Variants in RPH3AL observed in about 807,000 individuals in gnomAD.
RPH3AL encodes the protein rabphilin 3A like (without C2 domains), also known as rab effector Noc2.
A neutral mutation model predicts 43.1 loss-of-function variants in RPH3AL; 38 were observed. That is an observed-to-expected ratio of 0.88 (90% confidence interval 0.68 to 1.15). The LOEUF is 1.15. RPH3AL is among the 50% of genes most tolerant of loss of function. The probability of loss-of-function intolerance (pLI) is 0.00; values close to 1 mark genes in which losing one functional copy is unlikely to be tolerated. For synonymous variants in RPH3AL, 189 were observed against 176.3 expected (o/e 1.07, Z -0.57); for missense variants, 462 against 423.2 (o/e 1.09, Z -0.81).
intron 6 of RPH3AL, among the ~76,000 whole-genome samples, chr17:262,628 C>T (rs541025701): frequency 2.2e-4 from 34 of 152,174 alleles, no homozygotes; most frequent in Non-Finnish European, 3.8e-4. Context: ...AATTCAAGGC[C>T]AGCCTGGCCA....
At chr17:267,464 T>G (rs1233363891) in intron 6 of RPH3AL, among the ~76,000 whole-genome samples, 2 of 152,148 alleles carry the variant, frequency 1.3e-5, no homozygotes, top group Non-Finnish European at 2.9e-5. Context: ...CAGACGAGCG[T>G]CATGATTTTG....
At chr17:250,021 C>T (rs189661761) in intron 6 of RPH3AL, among the ~76,000 whole-genome samples, 11 of 141,396 alleles carry the variant, frequency 7.8e-5, no homozygotes, top group South Asian at 4.5e-4. Context: ...CGGGACCTCT[C>T]GGAGCCTTTA....
At chr17:229,065 T>TA (rs2041167908) in intron 7 of RPH3AL, among the ~76,000 whole-genome samples, 1 of 152,208 alleles carries the variant, frequency 6.6e-6, no homozygotes, top group Non-Finnish European at 1.5e-5. Flanking sequence ...TACATATTTT[T>TA]AAAAAATTAG....
Position 219,664 on chromosome 17 carries a change from C to A in RPH3AL, c.686G>T (p.Gly229Val). The A allele has an allele frequency of 6.2e-7, 1 of 1,613,678 alleles. No homozygotes were observed. The part of the protein sequence containing the change: ...SSLEDRLPST[G>V]VRDRKGDKPW... ...TTTGTCGCCTTTCCGGTCCCTGACC[C>A]CAGTGGATGGGAGTCTGTCCTCTAG... is the stretch of plus-strand genomic sequence containing the variant. Residue 229 changes from glycine to valine, a missense_variant, in exon 8 of 10, where the codon GGG becomes GTG. Transcript: ENST00000331302.
intron 7 of RPH3AL, among the ~76,000 whole-genome samples, chr17:237,972 C>A (rs2041439558): frequency 7.2e-6 from 1 of 138,940 alleles, no homozygotes; most frequent in East Asian, 2.1e-4. Context: ...AACGTGGAAT[C>A]ACCCCGTCTC....
At chr17:326,271 G>A (rs1410746508) in intron 3 of RPH3AL, among the ~76,000 whole-genome samples, 1 of 152,238 alleles carries the variant, frequency 6.6e-6, no homozygotes. Flanking sequence ...CGCTCTCCTG[G>A]GGCGTTTCGA....
chr17:284,524 C>T (rs777020352), intron 5 of RPH3AL, among the ~76,000 whole-genome samples: 2 of 152,036 alleles, frequency 1.3e-5, no homozygotes, highest in Non-Finnish European at 2.9e-5. Context: ...GTGAGTGTGG[C>T]CTGATGCTGA....
intron 7 of RPH3AL, among the ~76,000 whole-genome samples, chr17:229,091 CT>C (rs893480814): frequency 1.3e-5 from 2 of 152,360 alleles, no homozygotes; most frequent in African/African-American, 4.8e-5. Context: ...AATCCACCCC[CT>C]CCAGGAACCC....
chr17:256,056 C>G (rs1485704853), intron 6 of RPH3AL, among the ~76,000 whole-genome samples: 1 of 45,464 alleles, frequency 2.2e-5, no homozygotes, highest in African/African-American at 7.3e-5. Flanking sequence ...AGGGGAGCCG[C>G]ACGGCGTCTG....
Position 290,787 on chromosome 17 carries a change from A to G in RPH3AL, c.352-8933T>C, listed in dbSNP as rs1567618346. ...AGGGGGAGGGAAGGAAACTGCTCTGAAAGCAGACGCCGCCATCTCACAGCA... is the reference window on the plus strand; with the variant it reads ...AGGGGGAGGGAAGGAAACTGCTCTGGAAGCAGACGCCGCCATCTCACAGCA... On this transcript the variant is annotated intron_variant, in intron 5 of 9. Coordinates refer to ENST00000331302, the MANE Select transcript of RPH3AL (RefSeq NM_006987.4). The surrounding 1 kb of genome is among the most constrained non-coding windows in gnomAD (Gnocchi z 4.2). 6.6e-6 allele frequency among the ~76,000 whole-genome samples: 1 copy of G among 152,198 alleles called. No individual in the cohort carries two copies. Among genetic ancestry groups the G allele is most frequent in the East Asian group, 1.9e-4 (1 of 5,192 alleles).
At chr17:262,223 TAC>T (rs1426783536) in intron 6 of RPH3AL, among the ~76,000 whole-genome samples, 1 of 152,092 alleles carries the variant, frequency 6.6e-6, no homozygotes, top group African/African-American at 2.4e-5. Context: ...GTTTCATGTT[TAC>T]AGTTTTTTTT....
chr17:323,266 A>G lies in RPH3AL; in HGVS notation c.78-1851T>C, dbSNP rs1461847533. ...CACTGCCGGTTTTTCCAATTTAAAA[A>G]AAAAAAAACTGCAATGCCCTAGACC... is the stretch of plus-strand genomic sequence containing the variant. On this transcript the variant is annotated intron_variant, in intron 3 of 9. Coordinates refer to ENST00000331302, the MANE Select transcript of RPH3AL (RefSeq NM_006987.4). The surrounding 1 kb of genome is among the most constrained non-coding windows in gnomAD (Gnocchi z 4.4). Among the ~76,000 whole-genome samples, 1 of 152,024 alleles carries G rather than the reference A, an allele frequency of 6.6e-6. No homozygotes were observed. Among genetic ancestry groups the G allele is most frequent in the Non-Finnish European group, 1.5e-5 (1 of 67,974 alleles).
At position 323,351 on chromosome 17, in the gene RPH3AL, G is replaced by A. The variant is rs1000984282; in HGVS notation, c.78-1936C>T. 2.0e-5 allele frequency among the ~76,000 whole-genome samples: 3 copies of A among 152,204 alleles called. No homozygotes were observed. Among genetic ancestry groups the A allele is most frequent in the African/African-American group, 7.2e-5 (3 of 41,438 alleles). ...AGGAAAATACCGGGGCAGCAGGGCAGGGCTGGAAGGGGGGCAAGGCCAGTA... is the reference window on the plus strand; with the variant it reads ...AGGAAAATACCGGGGCAGCAGGGCAAGGCTGGAAGGGGGGCAAGGCCAGTA... On this transcript the variant is annotated intron_variant, in intron 3 of 9. Transcript: ENST00000331302. The surrounding 1 kb of genome is among the most constrained non-coding windows in gnomAD (Gnocchi z 4.4).
At chr17:261,861 C>T (rs1021477638) in intron 6 of RPH3AL, 1 of 152,130 alleles carries the variant, frequency 6.6e-6, no homozygotes, top group Non-Finnish European at 1.5e-5. Flanking sequence ...AGGGGAAGTT[C>T]CCGGAAGGCA....
At position 333,167 on chromosome 17, in the gene RPH3AL, CG is replaced by C; in HGVS notation, c.-37+591del. On this transcript the variant is annotated intron_variant, in intron 2 of 9. Transcript: ENST00000331302. This position sits in a 1 kb window ranked among gnomAD's most constrained non-coding sequence, Gnocchi z 4.5. The stretch of plus-strand genomic sequence containing the variant: ...ATTAGAGCTCACCACCCCGGGCGTT[CG>C]TCACTGCAGACATCACTGCAGACAC... The C allele has an allele frequency of 8.4e-7, 1 of 1,185,854 alleles. No individual in the cohort carries two copies. The highest frequency in any genetic ancestry group is 1.1e-6 in the Non-Finnish European group (1 of 937,770). The allele number at this position is 1,185,854 out of a possible 1,614,324, so 73.5% of individuals were successfully genotyped here.
In RPH3AL at chr17:234,324, A is replaced by C. The variant is rs75023319; in HGVS notation, c.613+12787T>G. The C allele has an allele frequency of 4.2e-3, 350 of 83,146 alleles. 1 individual carries two copies. The highest frequency in any genetic ancestry group is 0.023 in the African/African-American group (296 of 12,596). The allele number at this position is 83,146 out of a possible 1,614,324, so 5.2% of individuals were successfully genotyped here. On this transcript the variant is annotated intron_variant, in intron 7 of 9. Coordinates refer to ENST00000331302, the MANE Select transcript of RPH3AL (RefSeq NM_006987.4). The stretch of plus-strand genomic sequence containing the variant: ...TCCCCCAAGCGGGGAGCGGCTACTT[A>C]CCCTGACCAACTTCCCCGAGCAGGG...
At chr17:253,129 G>C (rs2041951912) in intron 6 of RPH3AL, among the ~76,000 whole-genome samples, 1 of 152,198 alleles carries the variant, frequency 6.6e-6, no homozygotes, top group African/African-American at 2.4e-5. Flanking sequence ...CGGTGGGCTT[G>C]GGGAGAGGCA....
At chr17:249,041 G>A (rs928461439) in intron 6 of RPH3AL, among the ~76,000 whole-genome samples, 23 of 152,126 alleles carry the variant, frequency 1.5e-4, no homozygotes, top group Admixed American at 5.9e-4. Context: ...AGAAAGGACC[G>A]CCTCTTGGAG....
At chr17:321,462 A>G (rs758862641) in intron 3 of RPH3AL, 47 bp from the exon 4 acceptor site, 38 of 1,500,990 alleles carry the variant, frequency 2.5e-5, no homozygotes, top group Non-Finnish European at 3.2e-5. Flanking sequence ...CCCGGTGCAA[A>G]CTCCGGCAGC....
Sources: gnomAD v4.1 joint callset for allele counts (sites outside exome capture counted in the v4.1 genomes callset) on GRCh38, gnomAD v4.1.1 for gene constraint, Gnocchi (gnomAD v3.1) non-coding constraint, MANE v1.5 for transcripts, NCBI Gene and HGNC (gene_info 2026-07-23, HGNC 2026-07-21) for gene names.